Variants in ATXN7L1 observed in about 807,000 individuals in gnomAD.
The protein encoded by ATXN7L1 is ataxin-7-like protein 1.
ATXN7L1 carries 15 observed loss-of-function variants against 70.8 expected under a neutral mutation model. That is an observed-to-expected ratio of 0.21 (90% CI 0.14 to 0.33). ATXN7L1 has a LOEUF of 0.33. Ranked by LOEUF, ATXN7L1 falls within the 10% of genes least tolerant of loss-of-function variation. The pLI is 1.00. For missense variants in ATXN7L1, 975 were observed against 1,097.1 expected, an observed-to-expected ratio of 0.89 and a Z score of 1.57; for synonymous variants, 440 against 445.1, an observed-to-expected ratio of 0.99 and a Z score of 0.14.
chr7:105,829,756 C>T (rs1349460498), intron 2 of ATXN7L1, among the ~76,000 whole-genome samples: 1 of 152,194 alleles, frequency 6.6e-6, no homozygotes, highest in East Asian at 1.9e-4. Flanking sequence ...ACTTCCTTTT[C>T]AAACTGGCCA....
chr7:105,798,784 G>A (rs1225839276), intron 2 of ATXN7L1, among the ~76,000 whole-genome samples: 4 of 152,148 alleles, frequency 2.6e-5, no homozygotes, highest in South Asian at 4.1e-4. Context: ...CTTGATGTCC[G>A]CCATATTGCT....
intron 3 of ATXN7L1, among the ~76,000 whole-genome samples, chr7:105,708,273 C>A (rs1286439912): frequency 1.3e-5 from 2 of 152,168 alleles, no homozygotes; most frequent in African/African-American, 2.4e-5. Context: ...GTGTCCCTAC[C>A]TTTAAAATGA....
intron 2 of ATXN7L1, among the ~76,000 whole-genome samples, chr7:105,864,781 A>G (rs960063088): frequency 6.6e-6 from 1 of 151,960 alleles, no homozygotes; most frequent in Non-Finnish European, 1.5e-5. Context: ...CTACAAGCAC[A>G]TGCCACCATA....
At chr7:105,870,457 C>A (rs1818089042) in intron 2 of ATXN7L1, among the ~76,000 whole-genome samples, 1 of 152,106 alleles carries the variant, frequency 6.6e-6, no homozygotes, top group African/African-American at 2.4e-5. Context: ...CTAGAGCTAG[C>A]TTCATTAATA....
chr7:105,666,297 A>T (rs540626578), intron 3 of ATXN7L1, among the ~76,000 whole-genome samples: 1 of 152,374 alleles, frequency 6.6e-6, no homozygotes, highest in East Asian at 1.9e-4. Context: ...ACACATAATT[A>T]GTGCTTAATT....
intron 3 of ATXN7L1, among the ~76,000 whole-genome samples, chr7:105,774,300 A>G (rs958547050): frequency 4.6e-5 from 7 of 151,850 alleles, no homozygotes; most frequent in African/African-American, 1.7e-4. Flanking sequence ...GATGATGCCC[A>G]GAGCTGACAA....
rs1804373450 is a variant in ATXN7L1 at position 105,674,852 on chromosome 7, C to T, written c.356-9564G>A. ...GGATCTGGGGAGTCCCAGGGGCTTT[C>T]CAGGGCCCTGAAATACTTCCATCAG... On this transcript the variant is annotated intron_variant, in intron 3 of 11. Coordinates refer to ENST00000419735, the MANE Select transcript of ATXN7L1 (RefSeq NM_020725.2). Among the ~76,000 whole-genome samples, 5 of 152,180 alleles carry T rather than the reference C, an allele frequency of 3.3e-5. No individual in the cohort carries two copies. In the South Asian group the frequency reaches 1.0e-3, roughly 31 times the overall value.
chr7:105,865,184 A>G (rs1177609770), intron 2 of ATXN7L1, among the ~76,000 whole-genome samples: 1 of 152,196 alleles, frequency 6.6e-6, no homozygotes, highest in Non-Finnish European at 1.5e-5. Flanking sequence ...CTGAGTACCT[A>G]CTTTATACCA....
intron 3 of ATXN7L1, among the ~76,000 whole-genome samples, chr7:105,779,823 T>C (rs1204371): frequency 0.3 from 45,859 of 152,136 alleles, 7,304 homozygotes; most frequent in East Asian, 0.47. Context: ...TTAATTAATG[T>C]TATCAAACGA....
intron 11 of ATXN7L1, among the ~76,000 whole-genome samples, chr7:105,610,057 C>T (rs1462017170): frequency 1.3e-5 from 2 of 152,194 alleles, no homozygotes; most frequent in African/African-American, 4.8e-5. Context: ...AGGCATGAGC[C>T]ACCATGCCCG....
At chr7:105,819,653 C>G in intron 2 of ATXN7L1, 1 of 927,540 alleles carries the variant, frequency 1.1e-6, no homozygotes, top group South Asian at 1.3e-5. Context: ...AGTTGAAGTA[C>G]CTGGTCTTCC....
intron 3 of ATXN7L1, among the ~76,000 whole-genome samples, chr7:105,666,565 T>C (rs1310674447): frequency 6.6e-6 from 1 of 152,242 alleles, no homozygotes; most frequent in African/African-American, 2.4e-5. Flanking sequence ...CTGTACTCCC[T>C]TGTACCAATG....
intron 3 of ATXN7L1, among the ~76,000 whole-genome samples, chr7:105,669,779 C>T (rs574272969): frequency 3.9e-5 from 6 of 152,054 alleles, no homozygotes; most frequent in Non-Finnish European, 7.4e-5. Flanking sequence ...ATTAGCTGGG[C>T]GTGGTGGCGC....
chr7:105,650,893 T>C lies in ATXN7L1; in HGVS notation c.579-7772A>G, dbSNP rs572456651. Among the ~76,000 whole-genome samples, 9 of 152,392 alleles carry C rather than the reference T, an allele frequency of 5.9e-5. No homozygotes were observed. The South Asian group carries it at 1.7e-3, about 28-fold the overall frequency. On this transcript the variant is annotated intron_variant, in intron 4 of 11. Transcript: ENST00000419735. The stretch of plus-strand genomic sequence containing the variant: ...CAAGTATGACTGAATTGAAGGTCTG[T>C]GCCTTGTCAATATTCTGGCAAATTT...
intron 2 of ATXN7L1, among the ~76,000 whole-genome samples, chr7:105,872,379 A>G (rs531736282): frequency 6.6e-6 from 1 of 152,316 alleles, no homozygotes; most frequent in South Asian, 2.1e-4. Context: ...CAATGTTCAT[A>G]GTGGCATTAC....
At chr7:105,679,015 G>A (rs566219486) in intron 3 of ATXN7L1, 7 of 941,590 alleles carry the variant, frequency 7.4e-6, no homozygotes, top group Non-Finnish European at 8.9e-6. Flanking sequence ...GCCCCACGCC[G>A]TCCTGTGTGG....
chr7:105,721,672 G>C (rs1795201936), intron 3 of ATXN7L1, among the ~76,000 whole-genome samples: 1 of 152,234 alleles, frequency 6.6e-6, no homozygotes, highest in Non-Finnish European at 1.5e-5. Context: ...GAACACCCTA[G>C]ACCTGAGAGG....
At chr7:105,839,761 A>C (rs1812927158) in intron 2 of ATXN7L1, among the ~76,000 whole-genome samples, 1 of 152,200 alleles carries the variant, frequency 6.6e-6, no homozygotes, top group South Asian at 2.1e-4. Context: ...CCTACTGAGC[A>C]CCTACTATGT....
intron 2 of ATXN7L1, among the ~76,000 whole-genome samples, chr7:105,827,000 A>C (rs1810962684): frequency 6.6e-6 from 1 of 152,246 alleles, no homozygotes; most frequent in South Asian, 2.1e-4. Flanking sequence ...GGACCACCTG[A>C]ACTACAGGTG....
Sources: allele counts gnomAD v4.1 joint callset (sites outside exome capture counted in the v4.1 genomes callset), GRCh38; gene constraint gnomAD v4.1.1; transcripts MANE v1.5; gene names NCBI Gene and HGNC (gene_info 2026-07-23, HGNC 2026-07-21).